Variants in LDLRAD4 observed in about 807,000 individuals in gnomAD.
LDLRAD4 encodes low-density lipoprotein receptor class A domain-containing protein 4.
Under a neutral mutation model 17.0 loss-of-function variants are expected in LDLRAD4, and 5 were observed. The observed-to-expected ratio is 0.29, with a 90% confidence interval of 0.15 to 0.62. The LOEUF is 0.62. LDLRAD4 is among the 20% of genes least tolerant of loss of function. The pLI, the probability that LDLRAD4 is intolerant of heterozygous loss-of-function variation, is 0.84. For synonymous variants in LDLRAD4, 168 were observed against 171.8 expected (o/e 0.98, Z 0.17); for missense variants, 340 against 424.7 (o/e 0.80, Z 1.75).
At chr18:13,640,019 G>A (rs931422741) in intron 4 of LDLRAD4, among the ~76,000 whole-genome samples, 2 of 152,172 alleles carry the variant, frequency 1.3e-5, no homozygotes, top group Non-Finnish European at 2.9e-5. Context: ...AGGTGCGGTG[G>A]CTCACGCCTG....
intron 1 of LDLRAD4, among the ~76,000 whole-genome samples, chr18:13,270,322 T>G (rs1348221272): frequency 1.3e-5 from 2 of 151,700 alleles, no homozygotes; most frequent in African/African-American, 4.8e-5. Flanking sequence ...CTGTGATGGC[T>G]TCACTGTAAT....
At chr18:13,416,871 T>G (rs1325020502) in intron 2 of LDLRAD4, among the ~76,000 whole-genome samples, 4 of 152,260 alleles carry the variant, frequency 2.6e-5, no homozygotes, top group African/African-American at 4.8e-5. Context: ...TAATACTCTC[T>G]GTGCCACACT....
intron 2 of LDLRAD4, among the ~76,000 whole-genome samples, chr18:13,391,684 A>ATAC (rs1555671854): frequency 6.6e-6 from 1 of 151,112 alleles, no homozygotes; most frequent in African/African-American, 2.4e-5. Flanking sequence ...AGTCAAAAGA[A>ATAC]AAATAATTTC....
At chr18:13,325,279 A>G (rs1010264174) in intron 1 of LDLRAD4, among the ~76,000 whole-genome samples, 1 of 152,216 alleles carries the variant, frequency 6.6e-6, no homozygotes, top group Non-Finnish European at 1.5e-5. Flanking sequence ...TTGAAGTGAC[A>G]CTTGCAGTCG....
chr18:13,556,644 T>C (rs1382631811), intron 3 of LDLRAD4, among the ~76,000 whole-genome samples: 2 of 152,166 alleles, frequency 1.3e-5, no homozygotes, highest in Non-Finnish European at 2.9e-5. Context: ...TTGAGGATGA[T>C]GTATTTGAGG....
chr18:13,334,581 G>T (rs1050111432), intron 1 of LDLRAD4, among the ~76,000 whole-genome samples: 1 of 152,162 alleles, frequency 6.6e-6, no homozygotes, highest in African/African-American at 2.4e-5. Context: ...TCTTGCTATA[G>T]TTGCTTATTA....
intron 1 of LDLRAD4, among the ~76,000 whole-genome samples, chr18:13,285,770 A>C (rs1046155623): frequency 2.0e-5 from 3 of 152,062 alleles, no homozygotes. Flanking sequence ...CCCTTGTTAG[A>C]GAATGGTGGG....
chr18:13,381,396 C>G (rs566234066), intron 1 of LDLRAD4, among the ~76,000 whole-genome samples: 13 of 152,206 alleles, frequency 8.5e-5, no homozygotes, highest in African/African-American at 3.1e-4. Context: ...CCCATTTGCC[C>G]TCTCTCTCGG....
At chr18:13,390,652 G>A (rs74338135) in intron 2 of LDLRAD4, among the ~76,000 whole-genome samples, 1,627 of 150,216 alleles carry the variant, frequency 0.011, 37 homozygotes, top group African/African-American at 0.039. Flanking sequence ...AGGGGGTCAT[G>A]TCTCAAAAAA....
At chr18:13,316,567 C>T (rs1458155789) in intron 1 of LDLRAD4, among the ~76,000 whole-genome samples, 2 of 152,162 alleles carry the variant, frequency 1.3e-5, no homozygotes, top group African/African-American at 4.8e-5. Context: ...GAGTGGACAG[C>T]GACTACCTGT....
intron 1 of LDLRAD4, among the ~76,000 whole-genome samples, chr18:13,358,958 AG>A (rs1332651124): frequency 1.3e-5 from 2 of 152,234 alleles, no homozygotes; most frequent in East Asian, 3.8e-4. Flanking sequence ...GATGGAGAAA[AG>A]AATAGTAGTA....
intron 1 of LDLRAD4, among the ~76,000 whole-genome samples, chr18:13,375,984 A>G (rs1278616760): frequency 6.6e-6 from 1 of 152,184 alleles, no homozygotes; most frequent in Non-Finnish European, 1.5e-5. Context: ...GCAGTGGCCC[A>G]GATTATCTTG....
chr18:13,479,431 G>A (rs1052984362), intron 3 of LDLRAD4, among the ~76,000 whole-genome samples: 19 of 152,176 alleles, frequency 1.2e-4, no homozygotes, highest in African/African-American at 4.3e-4. Context: ...GACCAGCCTG[G>A]CCAACATGGC....
At chr18:13,504,737 G>T (rs1030225491) in intron 3 of LDLRAD4, among the ~76,000 whole-genome samples, 4 of 152,282 alleles carry the variant, frequency 2.6e-5, no homozygotes, top group Non-Finnish European at 4.4e-5. Context: ...TGGCCATTCT[G>T]TATTTTTAGA....
chr18:13,598,060 G>A (rs2095116944), intron 3 of LDLRAD4, among the ~76,000 whole-genome samples: 3 of 152,144 alleles, frequency 2.0e-5, no homozygotes, highest in African/African-American at 7.2e-5. Flanking sequence ...TTTATTTCCT[G>A]TTTATGTGTC....
At chr18:13,512,311 A>G (rs1478223390) in intron 3 of LDLRAD4, among the ~76,000 whole-genome samples, 2 of 152,194 alleles carry the variant, frequency 1.3e-5, no homozygotes, top group Non-Finnish European at 2.9e-5. Context: ...CTAAAACCCT[A>G]CATAACTATA....
At chr18:13,498,949 G>T (rs140108831) in intron 3 of LDLRAD4, among the ~76,000 whole-genome samples, 1 of 118,946 alleles carries the variant, frequency 8.4e-6, no homozygotes, top group East Asian at 2.5e-4. Flanking sequence ...AATCCTTCTC[G>T]CCATACATGT....
chr18:13,491,705 A>G (rs2093361644), intron 3 of LDLRAD4: 1 of 152,200 alleles, frequency 6.6e-6, no homozygotes, highest in Non-Finnish European at 1.5e-5. Context: ...GTTAATGTCA[A>G]GTGGCCCGGC....
chr18:13,425,595 C>T (rs1353454939), intron 2 of LDLRAD4, among the ~76,000 whole-genome samples: 1 of 152,136 alleles, frequency 6.6e-6, no homozygotes, highest in Admixed American at 6.5e-5. Context: ...GTGGTTTTTC[C>T]AGGTAGATGT....
Sources: gnomAD v4.1 joint callset for allele counts (sites outside exome capture counted in the v4.1 genomes callset) on GRCh38, gnomAD v4.1.1 for gene constraint, MANE v1.5 for transcripts, NCBI Gene and HGNC (gene_info 2026-07-23, HGNC 2026-07-21) for gene names.